Variants in GJA3 observed in about 807,000 individuals in gnomAD.
GJA3 encodes the protein gap junction alpha-3 protein.
For synonymous variants in GJA3, 297 were observed against 292.6 expected (o/e 1.02, Z -0.15); for missense variants, 571 against 620.3 (o/e 0.92, Z 0.84).
chr13:20,151,696 G>T (rs984736007), intron 1 of GJA3, among the ~76,000 whole-genome samples: 1 of 152,082 alleles, frequency 6.6e-6, no homozygotes, highest in African/African-American at 2.4e-5. Context: ...GGCGAGGATG[G>T]ATTACTTGAG....
chr13:20,146,150 A>G (rs1197079323), intron 1 of GJA3, among the ~76,000 whole-genome samples: 6 of 152,190 alleles, frequency 3.9e-5, no homozygotes, highest in Non-Finnish European at 8.8e-5. Flanking sequence ...TTCTTGCTAA[A>G]AGGCAGTCTA....
intron 1 of GJA3, among the ~76,000 whole-genome samples, chr13:20,154,395 C>T (rs1958896655): frequency 6.6e-6 from 1 of 152,160 alleles, no homozygotes; most frequent in Non-Finnish European, 1.5e-5. Flanking sequence ...TACTTAGGAA[C>T]ATTCCTTTTG....
In GJA3 at chr13:20,145,781, T is replaced by G. The variant is rs1408398632; in HGVS notation, c.-17-2476A>C. On this transcript the variant is annotated intron_variant, in intron 1 of 1. Transcript: ENST00000241125. ...TACACAGTCCCCTCAGGGGTGGCCA[T>G]CTCAGGCCTACACCGGTGCCCTGGG... 2.6e-5 allele frequency among the ~76,000 whole-genome samples: 4 copies of G among 152,308 alleles called. No individual in the cohort carries two copies. The East Asian group carries it at 5.8e-4, about 22-fold the overall frequency.
intron 1 of GJA3, among the ~76,000 whole-genome samples, chr13:20,160,158 G>A (rs1222212130): frequency 6.6e-6 from 1 of 152,140 alleles, no homozygotes; most frequent in African/African-American, 2.4e-5. Context: ...AGCAAATGCA[G>A]CCGCGTCACT....
At position 20,142,945 on chromosome 13, in the gene GJA3, A is replaced by C; in HGVS notation, c.344T>G (p.Leu115Arg). 6.3e-7 allele frequency: 1 copy of C among 1,576,940 alleles called. No individual in the cohort carries two copies. The highest frequency in any genetic ancestry group is 8.6e-7 in the Non-Finnish European group (1 of 1,161,316). The change falls in exon 2 of 2, where the codon CTG (leucine) becomes CGG (arginine). Residue 115 changes from leucine (L) to arginine (R), a missense_variant. Leu to Arg is a moderately radical substitution (Grantham distance 102). Coordinates refer to ENST00000241125, the MANE Select transcript of GJA3 (RefSeq NM_021954.4). The stretch of plus-strand genomic sequence containing the variant: ...CTTGGGGCTGGGGCTCTCTCTCTTC[A>C]GCTGCTCCTCCTCCTCCCTCTCTTT... ...KKKEREEEEQ[L>R]KRESPSPKEP...
intron 1 of GJA3, among the ~76,000 whole-genome samples, chr13:20,160,466 T>TA (rs1195103894): frequency 6.6e-6 from 1 of 152,122 alleles, no homozygotes; most frequent in Non-Finnish European, 1.5e-5. Flanking sequence ...GACATCTGCT[T>TA]AGAGTTTTCA....
In GJA3 at chr13:20,142,389, T is replaced by C; in HGVS notation, c.900A>G (p.Leu300=). 6.6e-7 allele frequency: 1 copy of C among 1,522,004 alleles called. No homozygotes were observed. Among genetic ancestry groups the C allele is most frequent in the East Asian group, 2.4e-5 (1 of 40,820 alleles). 94.3% of individuals were successfully genotyped at this position (1,522,004 alleles called of 1,614,324 possible). A position where few individuals can be genotyped will look rare whatever the true frequency, so the allele number is the denominator to read the frequency against. The change falls in exon 2 of 2, where the codon CTA becomes CTG. Residue 300 remains leucine (L), a synonymous_variant. Coordinates refer to ENST00000241125, the MANE Select transcript of GJA3 (RefSeq NM_021954.4). The part of the protein sequence containing the change: ...APPPAADFKL[L]ALTEARGKGQ... ...CCTTTCCGCGCGCCTCGGTCAGGGC[T>C]AGCAGTTTGAAGTCCGCGGCTGGTG...
Position 20,138,993 on chromosome 13 carries a change from C to T in GJA3, c.*2988G>A, listed in dbSNP as rs1258917170. 1 of 152,030 alleles carries T rather than the reference C, an allele frequency of 6.6e-6. No homozygotes were observed. Among genetic ancestry groups the T allele is most frequent in the Admixed American group, 6.6e-5 (1 of 15,256 alleles). The allele number at this position is 152,030 out of a possible 1,614,324, so 9.4% of individuals were successfully genotyped here. On this transcript the variant is annotated 3_prime_UTR_variant, in exon 2 of 2. Coordinates refer to ENST00000241125, the MANE Select transcript of GJA3 (RefSeq NM_021954.4). Reference sequence around the variant, plus strand: ...TTCTATGACCTATCCACTTACTTGTCCAGAGCCGAAGAAATCCAGGATAAA... The same window carrying T: ...TTCTATGACCTATCCACTTACTTGTTCAGAGCCGAAGAAATCCAGGATAAA...
At position 20,142,097 on chromosome 13, in the gene GJA3, C is replaced by T. The variant is rs1958810767; in HGVS notation, c.1192G>A (p.Val398Met). Residue 398 changes from valine (V) to methionine (M), a missense_variant, in exon 2 of 2, where the codon GTG becomes ATG. By Grantham distance (21) the Val-to-Met change is conservative. Transcript: ENST00000241125. ...AGTPEEEEQA[V>M]TTAAQMHQPP... ...TGGTGCATCTGGGCCGCGGTGGTCA[C>T]GGCCTGCTCCTCCTCCTCGGGGGTC... 2 of 1,548,450 alleles carry T rather than the reference C, an allele frequency of 1.3e-6. No homozygotes were observed. Among genetic ancestry groups the T allele is most frequent in the East Asian group, 2.4e-5 (1 of 40,866 alleles).
intron 1 of GJA3, among the ~76,000 whole-genome samples, chr13:20,151,717 T>A (rs1958878810): frequency 6.6e-6 from 1 of 151,954 alleles, no homozygotes; most frequent in Admixed American, 6.6e-5. Context: ...CTCAGCAAGC[T>A]GAGGCGGGGG....
chr13:20,157,098 A>T (rs750558742), intron 1 of GJA3, among the ~76,000 whole-genome samples: 14 of 152,246 alleles, frequency 9.2e-5, no homozygotes, highest in Non-Finnish European at 1.9e-4. Flanking sequence ...GTGTTAATGT[A>T]TTTCCTTCAA....
At chr13:20,156,192 C>T (rs1205345709) in intron 1 of GJA3, among the ~76,000 whole-genome samples, 3 of 152,084 alleles carry the variant, frequency 2.0e-5, no homozygotes, top group Non-Finnish European at 4.4e-5. Context: ...GTCATATGCT[C>T]TTAAATCTTT....
intron 1 of GJA3, among the ~76,000 whole-genome samples, chr13:20,145,687 T>A (rs980465767): frequency 6.6e-6 from 1 of 152,236 alleles, no homozygotes; most frequent in Admixed American, 6.5e-5. Context: ...TTTAGGCCTC[T>A]GTACATGCTG....
rs1958811677 is a variant in GJA3 at position 20,142,186 on chromosome 13, G to A, written c.1103C>T (p.Ala368Val). The change falls in exon 2 of 2, where the codon GCG becomes GTG. Residue 368 changes from alanine (A) to valine (V), a missense_variant. Transcript: ENST00000241125. ...SSPPLAHEAE[A>V]GAAPLLLDGS... The stretch of plus-strand genomic sequence containing the variant: ...ATCCAGCAGCAGGGGCGCCGCGCCC[G>A]CCTCAGCCTCGTGCGCGAGTGGCGG... 6.6e-7 allele frequency: 1 copy of A among 1,508,426 alleles called. No homozygotes were observed. The highest frequency in any genetic ancestry group is 1.4e-5 in the African/African-American group (1 of 70,586). 93.4% of individuals were successfully genotyped at this position (1,508,426 alleles called of 1,614,324 possible).
At position 20,139,743 on chromosome 13, in the gene GJA3, A is replaced by T. The variant is rs1958796518; in HGVS notation, c.*2238T>A. On this transcript the variant is annotated 3_prime_UTR_variant, in exon 2 of 2. Coordinates refer to ENST00000241125, the MANE Select transcript of GJA3 (RefSeq NM_021954.4). ...AATGGTACAATACTGGCATTTCCATAAACATATTGTGACTAAATTCAATTT... is the reference window on the plus strand; with the variant it reads ...AATGGTACAATACTGGCATTTCCATTAACATATTGTGACTAAATTCAATTT... The T allele has an allele frequency of 6.6e-6, 1 of 152,218 alleles. No homozygotes were observed. Among genetic ancestry groups the T allele is most frequent in the Non-Finnish European group, 1.5e-5 (1 of 68,040 alleles). 9.4% of individuals were successfully genotyped at this position (152,218 alleles called of 1,614,324 possible). A position where few individuals can be genotyped will look rare whatever the true frequency, so the allele number is the denominator to read the frequency against.
chr13:20,144,477 G>A (rs1958831046), intron 1 of GJA3, among the ~76,000 whole-genome samples: 1 of 152,234 alleles, frequency 6.6e-6, no homozygotes, highest in Non-Finnish European at 1.5e-5. Flanking sequence ...GTGCCCATGG[G>A]TGTTGGGCAG....
In GJA3 at chr13:20,140,549, C is replaced by T. The variant is rs538212776; in HGVS notation, c.*1432G>A. The T allele has an allele frequency of 1.3e-5, 2 of 152,262 alleles. No homozygotes were observed. The highest frequency in any genetic ancestry group is 2.9e-5 in the Non-Finnish European group (2 of 68,022). The allele number at this position is 152,262 out of a possible 1,614,324, so 9.4% of individuals were successfully genotyped here. A position where few individuals can be genotyped will look rare whatever the true frequency, so the allele number is the denominator to read the frequency against. On this transcript the variant is annotated 3_prime_UTR_variant, in exon 2 of 2. Coordinates refer to ENST00000241125, the MANE Select transcript of GJA3 (RefSeq NM_021954.4). ...GGTGAAAAGTGTGAGTAGAAACAGG[C>T]TCAACATGACCATCGTTCATTTTAT...
intron 1 of GJA3, among the ~76,000 whole-genome samples, chr13:20,154,960 C>T (rs1958899406): frequency 6.6e-6 from 1 of 152,202 alleles, no homozygotes; most frequent in Non-Finnish European, 1.5e-5. Flanking sequence ...AAGCAATCCT[C>T]CTGCCTCAGC....
At chr13:20,148,359 C>T (rs573006351) in intron 1 of GJA3, among the ~76,000 whole-genome samples, 262 of 150,550 alleles carry the variant, frequency 1.7e-3, no homozygotes, top group Non-Finnish European at 2.7e-3. Context: ...CCCAGAGCTC[C>T]GGTGATTCTC....
Sources: gnomAD v4.1 joint callset for allele counts (sites outside exome capture counted in the v4.1 genomes callset) on GRCh38, gnomAD v4.1.1 for gene constraint, MANE v1.5 for transcripts, NCBI Gene and HGNC (gene_info 2026-07-23, HGNC 2026-07-21) for gene names.